Variants in UNC5D observed in about 807,000 individuals in gnomAD.
UNC5D encodes netrin receptor UNC5D.
UNC5D carries 39 observed loss-of-function variants against 105.4 expected under a neutral mutation model. The ratio of observed to expected loss-of-function variants is 0.37; its 90% CI spans 0.29 to 0.48. The LOEUF is 0.48. Ranked by LOEUF, UNC5D falls within the 20% of genes least tolerant of loss-of-function variation. The pLI is 0.98. For missense variants in UNC5D, 991 were observed against 1,202.4 expected, an observed-to-expected ratio of 0.82 and a Z score of 2.60; for synonymous variants, 452 against 450.4, an observed-to-expected ratio of 1.00 and a Z score of -0.04.
intron 1 of UNC5D, among the ~76,000 whole-genome samples, chr8:35,459,760 T>G (rs558540014): frequency 2.2e-4 from 34 of 152,358 alleles, no homozygotes; most frequent in African/African-American, 7.9e-4. Context: ...GAAAGCATCT[T>G]ATTTCAAACT....
intron 2 of UNC5D, among the ~76,000 whole-genome samples, chr8:35,566,252 A>C (rs1165538230): frequency 6.6e-6 from 1 of 152,166 alleles, no homozygotes; most frequent in African/African-American, 2.4e-5. Context: ...ATCTCTCATC[A>C]CACATCATAA....
At chr8:35,754,310 A>G (rs780041603) in intron 13 of UNC5D, among the ~76,000 whole-genome samples, 2 of 152,234 alleles carry the variant, frequency 1.3e-5, no homozygotes, top group African/African-American at 4.8e-5. Context: ...ATGTGCTTCA[A>G]CTATCCTTAT....
intron 3 of UNC5D, among the ~76,000 whole-genome samples, chr8:35,582,355 TC>T (rs1283101683): frequency 6.6e-6 from 1 of 152,206 alleles, no homozygotes; most frequent in African/African-American, 2.4e-5. Flanking sequence ...CATAGTTTCA[TC>T]TGCATTCTGC....
At chr8:35,496,556 G>C (rs925737481) in intron 1 of UNC5D, among the ~76,000 whole-genome samples, 1 of 152,140 alleles carries the variant, frequency 6.6e-6, no homozygotes, top group East Asian at 1.9e-4. Flanking sequence ...GGATGGGGCA[G>C]TAATGGAGGG....
intron 1 of UNC5D, among the ~76,000 whole-genome samples, chr8:35,508,584 C>T (rs188671573): frequency 6.6e-6 from 1 of 152,310 alleles, no homozygotes; most frequent in Admixed American, 6.5e-5. Flanking sequence ...TTTTTTGAAG[C>T]ACTGCTGGGA....
At position 35,435,556 on chromosome 8, in the gene UNC5D, C is replaced by T. The variant is rs1806951908; in HGVS notation, c.104-113736C>T. Among the ~76,000 whole-genome samples the T allele has an allele frequency of 2.0e-5, 3 of 152,170 alleles. No homozygotes were observed. In the South Asian group the frequency reaches 6.2e-4, roughly 32 times the overall value. On this transcript the variant is annotated intron_variant, in intron 1 of 16. Coordinates refer to ENST00000404895, the MANE Select transcript of UNC5D (RefSeq NM_080872.4). ...ATAACAATAATCCAATTGACTACAT[C>T]ATTATAATATTTCTAAGCATATGAA... is the stretch of plus-strand genomic sequence containing the variant.
intron 1 of UNC5D, among the ~76,000 whole-genome samples, chr8:35,286,047 A>G (rs1314410646): frequency 1.3e-5 from 2 of 152,196 alleles, no homozygotes; most frequent in African/African-American, 2.4e-5. Context: ...TTTATATAAA[A>G]ATGAAAAAGC....
intron 1 of UNC5D, among the ~76,000 whole-genome samples, chr8:35,468,953 T>C (rs1809508696): frequency 6.6e-6 from 1 of 152,022 alleles, no homozygotes; most frequent in Non-Finnish European, 1.5e-5. Context: ...GAGTTAGAAA[T>C]AGGAGAAAAG....
chr8:35,589,961 A>G (rs1351524615), intron 3 of UNC5D, among the ~76,000 whole-genome samples: 1 of 152,138 alleles, frequency 6.6e-6, no homozygotes, highest in East Asian at 1.9e-4. Flanking sequence ...TGTTTCTTAT[A>G]TGCTTGCTAA....
intron 4 of UNC5D, among the ~76,000 whole-genome samples, chr8:35,627,555 A>G (rs1056994956): frequency 6.6e-6 from 1 of 152,152 alleles, no homozygotes; most frequent in Non-Finnish European, 1.5e-5. Context: ...TTCCATGGAA[A>G]ATGACCCTAG....
intron 1 of UNC5D, among the ~76,000 whole-genome samples, chr8:35,271,684 T>TATAC (rs1805368706): frequency 3.3e-4 from 3 of 9,034 alleles, no homozygotes; most frequent in African/African-American, 5.0e-4. Context: ...CATATATATG[T>TATAC]ATACATGTAT....
Position 35,747,370 on chromosome 8 carries a change from A to T in UNC5D, c.1767-1157A>T, listed in dbSNP as rs572944927. On this transcript the variant is annotated intron_variant, in intron 11 of 16. Transcript: ENST00000404895. ...GAACTCAGAGAAAAACTCTTTGTTTATAGAAGATCTTGGGAAAGATGGTAT... is the reference window on the plus strand; with the variant it reads ...GAACTCAGAGAAAAACTCTTTGTTTTTAGAAGATCTTGGGAAAGATGGTAT... 2.0e-5 allele frequency among the ~76,000 whole-genome samples: 3 copies of T among 152,340 alleles called. No individual in the cohort carries two copies. The South Asian group carries it at 6.2e-4, about 32-fold the overall frequency.
At chr8:35,546,527 C>T (rs907425742) in intron 1 of UNC5D, among the ~76,000 whole-genome samples, 2 of 152,146 alleles carry the variant, frequency 1.3e-5, no homozygotes, top group Non-Finnish European at 2.9e-5. Flanking sequence ...CTAAGCTTAC[C>T]ACTATAGCTT....
chr8:35,400,105 C>G (rs1185687559), intron 1 of UNC5D, among the ~76,000 whole-genome samples: 1 of 152,102 alleles, frequency 6.6e-6, no homozygotes, highest in African/African-American at 2.4e-5. Context: ...ATGAGAGGAG[C>G]TGGGGCATTC....
At chr8:35,600,166 T>A (rs1481845424) in intron 4 of UNC5D, among the ~76,000 whole-genome samples, 1 of 152,200 alleles carries the variant, frequency 6.6e-6, no homozygotes, top group African/African-American at 2.4e-5. Context: ...TATTCCATGG[T>A]GTATATGAGC....
chr8:35,257,809 A>G (rs1804189508), intron 1 of UNC5D, among the ~76,000 whole-genome samples: 1 of 152,226 alleles, frequency 6.6e-6, no homozygotes, highest in Non-Finnish European at 1.5e-5. Context: ...ATCCTATTTT[A>G]TTAAGTTCTC....
chr8:35,614,173 C>G (rs1166805709), intron 4 of UNC5D, among the ~76,000 whole-genome samples: 1 of 152,202 alleles, frequency 6.6e-6, no homozygotes, highest in Non-Finnish European at 1.5e-5. Flanking sequence ...TTACCCTTCT[C>G]CCCTGTGAGG....
At chr8:35,660,733 C>T (rs1405502170) in intron 4 of UNC5D, among the ~76,000 whole-genome samples, 3 of 152,072 alleles carry the variant, frequency 2.0e-5, no homozygotes, top group African/African-American at 7.2e-5. Context: ...AGGTAGAGTC[C>T]CTCCCCTTGG....
intron 3 of UNC5D, among the ~76,000 whole-genome samples, chr8:35,592,464 T>C (rs926593892): frequency 6.6e-6 from 1 of 152,146 alleles, no homozygotes; most frequent in African/African-American, 2.4e-5. Flanking sequence ...CTCATATAGG[T>C]GATTAAAGTG....
Sources: allele counts gnomAD v4.1 joint callset (sites outside exome capture counted in the v4.1 genomes callset), GRCh38; gene constraint gnomAD v4.1.1; transcripts MANE v1.5; gene names NCBI Gene and HGNC (gene_info 2026-07-23, HGNC 2026-07-21).